The following ROBO2 variants were observed in gnomAD, a reference collection of about 807,000 sequenced individuals.
ROBO2 encodes the protein roundabout homolog 2.
In ROBO2, 53 loss-of-function variants were observed where a neutral mutation model predicts 160.8. The observed-to-expected ratio is 0.33, with a 90% CI of 0.26 to 0.41. ROBO2 has a LOEUF of 0.41. Ranked by LOEUF, ROBO2 falls within the 10% of genes least tolerant of loss-of-function variation. The pLI is 1.00. For synonymous variants in ROBO2, 664 were observed against 611.7 expected, an observed-to-expected ratio of 1.09 and a Z score of -1.26; for missense variants, 1,577 against 1,722.4, an observed-to-expected ratio of 0.92 and a Z score of 1.49.
chr3:76,713,857 G>A (rs951131068), intron 2 of ROBO2, among the ~76,000 whole-genome samples: 11 of 151,918 alleles, frequency 7.2e-5, no homozygotes, highest in Admixed American at 1.3e-4. Flanking sequence ...CATTATTACT[G>A]GGAGGTAACA....
chr3:76,068,849 G>A (rs2068349005), intron 2 of ROBO2, among the ~76,000 whole-genome samples: 1 of 152,094 alleles, frequency 6.6e-6, no homozygotes, highest in African/African-American at 2.4e-5. Context: ...CCTTTTCACA[G>A]AATTTGACAT....
At chr3:77,447,070 A>G (rs1473496114) in intron 2 of ROBO2, among the ~76,000 whole-genome samples, 1 of 152,142 alleles carries the variant, frequency 6.6e-6, no homozygotes, top group Non-Finnish European at 1.5e-5. Context: ...AGGAAAAATG[A>G]GATCAGAGTT....
At chr3:77,367,898 A>G (rs545246591) in intron 2 of ROBO2, among the ~76,000 whole-genome samples, 3 of 152,188 alleles carry the variant, frequency 2.0e-5, no homozygotes, top group Admixed American at 2.0e-4. Context: ...CTTTAATGGA[A>G]AGGGAAAATT....
At chr3:77,226,707 G>A (rs577647891) in intron 2 of ROBO2, among the ~76,000 whole-genome samples, 22 of 152,208 alleles carry the variant, frequency 1.4e-4, no homozygotes, top group African/African-American at 5.1e-4. Flanking sequence ...TCATAGCTTA[G>A]TCTATCTTAA....
chr3:77,024,325 T>C (rs996409201), intron 2 of ROBO2, among the ~76,000 whole-genome samples: 1 of 152,188 alleles, frequency 6.6e-6, no homozygotes, highest in African/African-American at 2.4e-5. Flanking sequence ...TTAGTTGTCA[T>C]GTTTATTGTT....
intron 2 of ROBO2, among the ~76,000 whole-genome samples, chr3:76,383,083 G>C (rs2076715029): frequency 6.6e-6 from 1 of 152,140 alleles, no homozygotes; most frequent in Non-Finnish European, 1.5e-5. Flanking sequence ...ACAATTTTTT[G>C]AAAGATGTGG....
chr3:77,156,654 T>C (rs2078034619), intron 2 of ROBO2, among the ~76,000 whole-genome samples: 1 of 151,738 alleles, frequency 6.6e-6, no homozygotes, highest in Admixed American at 6.6e-5. Flanking sequence ...CATTTTACTT[T>C]AGTAAAATAG....
At position 76,349,011 on chromosome 3, in the gene ROBO2, G is replaced by A. The variant is rs1013364403; in HGVS notation, c.109+411409G>A. On this transcript the variant is annotated intron_variant, in intron 2 of 26. Coordinates refer to the ROBO2 transcript ENST00000487694. ...TTTCTTCAATAAACCAGTTATACAT[G>A]GCAACTTTAATCAAATTTCTAGTTC... 2.0e-5 allele frequency among the ~76,000 whole-genome samples: 3 copies of A among 152,124 alleles called. No individual in the cohort carries two copies. In the East Asian group the frequency reaches 5.8e-4, roughly 29 times the overall value.
chr3:76,407,046 C>G (rs1276177274), intron 2 of ROBO2, among the ~76,000 whole-genome samples: 1 of 138,966 alleles, frequency 7.2e-6, no homozygotes, highest in Non-Finnish European at 1.6e-5. Context: ...GCCTTGCTTA[C>G]TGTGTCCCAA....
chr3:77,520,105 CT>C (rs1460457683), intron 5 of ROBO2, among the ~76,000 whole-genome samples: 1 of 151,252 alleles, frequency 6.6e-6, no homozygotes, highest in African/African-American at 2.4e-5. Flanking sequence ...GTGTTGTCTT[CT>C]GTGTAATGAA....
At chr3:77,332,903 C>A (rs151007298) in intron 2 of ROBO2, among the ~76,000 whole-genome samples, 171 of 152,248 alleles carry the variant, frequency 1.1e-3, no homozygotes, top group South Asian at 2.5e-3. Context: ...AGCGCTAGAG[C>A]GACTTATTAC....
At chr3:76,348,919 G>A (rs554468621) in intron 2 of ROBO2, among the ~76,000 whole-genome samples, 189 of 152,210 alleles carry the variant, frequency 1.2e-3, no homozygotes, top group Middle Eastern at 0.01. Flanking sequence ...GTGGAAAGGG[G>A]AATTTATTAT....
intron 2 of ROBO2, among the ~76,000 whole-genome samples, chr3:76,938,938 G>A (rs751234352): frequency 7.9e-5 from 11 of 138,752 alleles, no homozygotes; most frequent in Non-Finnish European, 1.4e-4. Flanking sequence ...GCCATTGCAC[G>A]CTAGCCTGGG....
chr3:77,141,181 G>C (rs945129922), intron 2 of ROBO2, among the ~76,000 whole-genome samples: 2 of 152,138 alleles, frequency 1.3e-5, no homozygotes, highest in African/African-American at 4.8e-5. Context: ...GAGAATTAAA[G>C]TCTGCATAGA....
At chr3:76,511,629 C>T (rs2081095170) in intron 2 of ROBO2, among the ~76,000 whole-genome samples, 4 of 152,152 alleles carry the variant, frequency 2.6e-5, no homozygotes, top group Admixed American at 2.0e-4. Flanking sequence ...AGGAGTTTAG[C>T]ATGAAGGATG....
chr3:76,506,553 A>G lies in ROBO2; in HGVS notation c.109+568951A>G, dbSNP rs188881282. On this transcript the variant is annotated intron_variant, in intron 2 of 26. Coordinates refer to the ROBO2 transcript ENST00000487694. ...GCTTTGCCTCATGAAGGCTTCCCCA[A>G]TGCTCCTCATTGCATTATTTTTTCT... Among the ~76,000 whole-genome samples, 7 of 152,216 alleles carry G rather than the reference A, an allele frequency of 4.6e-5. No individual in the cohort carries two copies. The East Asian group carries it at 5.8e-4, about 13-fold the overall frequency.
intron 2 of ROBO2, among the ~76,000 whole-genome samples, chr3:77,381,835 T>C (rs891251478): frequency 6.6e-6 from 1 of 152,218 alleles, no homozygotes; most frequent in South Asian, 2.1e-4. Context: ...TCTTCCTTTC[T>C]TTTCATTTAT....
intron 2 of ROBO2, among the ~76,000 whole-genome samples, chr3:76,772,437 T>C (rs977450708): frequency 2.0e-5 from 3 of 149,018 alleles, no homozygotes; most frequent in African/African-American, 7.3e-5. Flanking sequence ...TATGTATGTT[T>C]TAAAAACACC....
chr3:76,709,320 T>C (rs1456949255), intron 2 of ROBO2, among the ~76,000 whole-genome samples: 1 of 152,212 alleles, frequency 6.6e-6, no homozygotes, highest in African/African-American at 2.4e-5. Flanking sequence ...AGTATCTCCA[T>C]GTTTTTTGAG....
Sources: gnomAD v4.1 joint callset for allele counts (sites outside exome capture counted in the v4.1 genomes callset) on GRCh38, gnomAD v4.1.1 for gene constraint, MANE v1.5 for transcripts, NCBI Gene and HGNC (gene_info 2026-07-23, HGNC 2026-07-21) for gene names.